Variants in CPLANE1 observed in about 807,000 individuals in gnomAD.
CPLANE1 encodes the protein ciliogenesis and planar polarity effector 1.
Under a neutral mutation model 362.5 loss-of-function variants are expected in CPLANE1, and 263 were observed. The ratio of observed to expected loss-of-function variants is 0.73; its 90% CI spans 0.66 to 0.80. CPLANE1 has a LOEUF of 0.80. Ranked by LOEUF, CPLANE1 falls within the 30% of genes least tolerant of loss-of-function variation. CPLANE1 has a pLI of 0.00. For synonymous variants in CPLANE1, 1,212 were observed against 1,302.6 expected, an observed-to-expected ratio of 0.93 and a Z score of 1.50; for missense variants, 3,461 against 3,793.4, an observed-to-expected ratio of 0.91 and a Z score of 2.30.
chr5:37,141,961 A>T, intron 44 of CPLANE1: 1 of 534,266 alleles, frequency 1.9e-6, no homozygotes, highest in Non-Finnish European at 2.4e-6. Context: ...TCAAGAAATG[A>T]TGGCTACTAT....
intron 46 of CPLANE1, among the ~76,000 whole-genome samples, chr5:37,131,543 T>G (rs1765798275): frequency 6.6e-6 from 1 of 152,038 alleles, no homozygotes; most frequent in Non-Finnish European, 1.5e-5. Context: ...AAAATTTTTT[T>G]TTTTGAGACG....
chr5:37,200,784 G>GAAAAAA (rs374548036), intron 19 of CPLANE1, among the ~76,000 whole-genome samples: 1 of 147,322 alleles, frequency 6.8e-6, no homozygotes, highest in African/African-American at 2.5e-5. Flanking sequence ...AATAGTGTAG[G>GAAAAAA]AAAAAAAAAA....
intron 43 of CPLANE1, 36 bp downstream of exon 43, chr5:37,148,145 C>CAAG (rs1301170828): frequency 6.6e-7 from 1 of 1,512,366 alleles, no homozygotes; most frequent in Non-Finnish European, 9.1e-7. Context: ...TCAACTAAAG[C>CAAG]AAGACTTCAG....
chr5:37,145,871 T>C (rs1771417040), intron 43 of CPLANE1, among the ~76,000 whole-genome samples: 1 of 152,208 alleles, frequency 6.6e-6, no homozygotes, highest in African/African-American at 2.4e-5. Flanking sequence ...ACTGTCTAAT[T>C]ATTTAAAGGA....
In CPLANE1 at chr5:37,175,980, G is replaced by A. The variant is rs912803307; in HGVS notation, c.5907C>T (p.Ile1969=). The change falls in exon 31 of 53, where the codon ATC becomes ATT. Residue 1969 remains isoleucine (I), a synonymous_variant. Coordinates refer to ENST00000651892, the MANE Select transcript of CPLANE1 (RefSeq NM_001384732.1). ...EEKSTEQKGM[I]EAFSHPGHTT... ...TATGCCCAGGATGTGAAAAGGCTTCGATCATACTATCAATAAAAATTAACA... is the reference window on the plus strand; with the variant it reads ...TATGCCCAGGATGTGAAAAGGCTTCAATCATACTATCAATAAAAATTAACA... 7.5e-6 allele frequency: 12 copies of A among 1,608,512 alleles called. No homozygotes were observed. Among genetic ancestry groups the A allele is most frequent in the Admixed American group, 3.3e-5 (2 of 59,924 alleles).
chr5:37,239,579 TCAA>T, intron 7 of CPLANE1, 131 bp downstream of exon 7: 1 of 402,652 alleles, frequency 2.5e-6, no homozygotes, highest in Non-Finnish European at 3.6e-6. Context: ...AGAGACCCTG[TCAA>T]AAAAAAAAAA....
Position 37,200,269 on chromosome 5 carries a change from C to T in CPLANE1, c.3507+1322G>A, listed in dbSNP as rs1363318649. Among the ~76,000 whole-genome samples the T allele has an allele frequency of 2.0e-5, 3 of 152,150 alleles. No individual in the cohort carries two copies. The East Asian group carries it at 5.8e-4, about 29-fold the overall frequency. On this transcript the variant is annotated intron_variant, in intron 19 of 52. Coordinates refer to ENST00000651892, the MANE Select transcript of CPLANE1 (RefSeq NM_001384732.1). ...GATATACGGTGACATTTAGAAGAAACCTTACCAAGGAGAATTGCTTTAATA... is the reference window on the plus strand; with the variant it reads ...GATATACGGTGACATTTAGAAGAAATCTTACCAAGGAGAATTGCTTTAATA...
At position 37,246,152 on chromosome 5, in the gene CPLANE1, CT is replaced by C. The variant is rs11299594; in HGVS notation, c.82-308del. ...AAAACTGGCTTATCTACTTTTTAAT[CT>C]TTTTTTTTTTTTTTTTTTAAGAGCT... On this transcript the variant is annotated intron_variant, in intron 2 of 52. Coordinates refer to ENST00000651892, the MANE Select transcript of CPLANE1 (RefSeq NM_001384732.1). The C allele has an allele frequency of 0.97, 126,613 of 130,168 alleles. 61,691 individuals are homozygous for C. Among genetic ancestry groups the C allele is most frequent in the Middle Eastern group, 0.99 (271 of 274 alleles). The allele number at this position is 130,168 out of a possible 1,614,324, so 8.1% of individuals were successfully genotyped here.
Position 37,140,267 on chromosome 5 carries a change from C to A in CPLANE1, c.8633-897G>T, listed in dbSNP as rs528948489. On this transcript the variant is annotated intron_variant, in intron 44 of 52. Transcript: ENST00000651892. The stretch of plus-strand genomic sequence containing the variant: ...AAAATATTCCTTAAGATTTTATTAT[C>A]TTGAGATAAACCAAATCTGTCCCTA... 3.8e-5 allele frequency: 36 copies of A among 951,568 alleles called. No homozygotes were observed. In the South Asian group the frequency reaches 1.8e-3, roughly 46 times the overall value. 58.9% of individuals were successfully genotyped at this position (951,568 alleles called of 1,614,324 possible). A position where few individuals can be genotyped will look rare whatever the true frequency, so the allele number is the denominator to read the frequency against.
At chr5:37,173,411 T>C (rs1780325678) in intron 32 of CPLANE1, among the ~76,000 whole-genome samples, 1 of 152,282 alleles carries the variant, frequency 6.6e-6, no homozygotes, top group East Asian at 1.9e-4. Context: ...TTGTGAGAAG[T>C]AGGTAGCTTA....
At chr5:37,089,065 T>C in the CPLANE1 span, among the ~76,000 whole-genome samples, 6 of 152,084 alleles carry the variant, frequency 3.9e-5, no homozygotes, top group African/African-American at 1.4e-4. Flanking sequence ...CAGGAGTATA[T>C]TGGAATCAAT....
intron 15 of CPLANE1, among the ~76,000 whole-genome samples, chr5:37,218,904 T>C (rs1561641751): frequency 1.3e-5 from 2 of 149,924 alleles, no homozygotes; most frequent in Admixed American, 6.7e-5. Context: ...GCTGAGATAG[T>C]GCCATTGCAC....
At chr5:37,130,606 A>G (rs1487112741) in intron 46 of CPLANE1, 2 of 159,278 alleles carry the variant, frequency 1.3e-5, no homozygotes, top group Non-Finnish European at 2.8e-5. Context: ...TACAAAAGGA[A>G]CTAAACTTCT....
chr5:37,222,746 A>G (rs1795633718), intron 14 of CPLANE1, among the ~76,000 whole-genome samples: 1 of 152,212 alleles, frequency 6.6e-6, no homozygotes, highest in Admixed American at 6.5e-5. Context: ...TTCTTTCTCC[A>G]AATCTACTCA....
chr5:37,137,622 G>C (rs1768127243), intron 46 of CPLANE1, among the ~76,000 whole-genome samples: 1 of 152,196 alleles, frequency 6.6e-6, no homozygotes, highest in Admixed American at 6.5e-5. Context: ...CAGCATGGCT[G>C]GGGAGGCCTC....
chr5:37,126,000 G>T (rs1764025928), intron 46 of CPLANE1, among the ~76,000 whole-genome samples: 1 of 152,200 alleles, frequency 6.6e-6, no homozygotes, highest in Non-Finnish European at 1.5e-5. Flanking sequence ...AACTCTGGGA[G>T]GCCAAGGCAG....
intron 19 of CPLANE1, among the ~76,000 whole-genome samples, chr5:37,199,593 A>G (rs1047849211): frequency 6.6e-6 from 1 of 152,334 alleles, no homozygotes; most frequent in African/African-American, 2.4e-5. Context: ...CTCAAGTCTG[A>G]TACATAGTAG....
chr5:37,107,091 G>A lies in CPLANE1; in HGVS notation c.*511C>T, dbSNP rs1757757609. 3.0e-6 allele frequency: 3 copies of A among 985,332 alleles called. No individual in the cohort carries two copies. The highest frequency in any genetic ancestry group is 3.6e-6 in the Non-Finnish European group (3 of 829,952). 61.0% of individuals were successfully genotyped at this position (985,332 alleles called of 1,614,324 possible). On this transcript the variant is annotated 3_prime_UTR_variant, in exon 53 of 53. Coordinates refer to ENST00000651892, the MANE Select transcript of CPLANE1 (RefSeq NM_001384732.1). Reference sequence around the variant, plus strand: ...AACTTTGCTTATTTAGAGATTCAGGGTTGGTAAAAGGTAGTTGGTTTTTCT... The same window carrying A: ...AACTTTGCTTATTTAGAGATTCAGGATTGGTAAAAGGTAGTTGGTTTTTCT...
At chr5:37,180,441 GT>G (rs1456574626) in intron 27 of CPLANE1, among the ~76,000 whole-genome samples, 1 of 151,886 alleles carries the variant, frequency 6.6e-6, no homozygotes, top group Non-Finnish European at 1.5e-5. Context: ...AAACATCATA[GT>G]TTTTATTTAC....
Sources: allele counts gnomAD v4.1 joint callset (sites outside exome capture counted in the v4.1 genomes callset), GRCh38; gene constraint gnomAD v4.1.1; transcripts MANE v1.5; gene names NCBI Gene and HGNC (gene_info 2026-07-23, HGNC 2026-07-21).